CCDC117: variants seen among roughly 807,000 people sequenced by gnomAD.
The protein encoded by CCDC117 is coiled-coil domain-containing protein 117.
In CCDC117, 1 loss-of-function variant was observed where a neutral mutation model predicts 23.5. The observed-to-expected ratio is 0.04, with a 90% CI of 0.02 to 0.20. The LOEUF (loss-of-function observed/expected upper bound fraction) is 0.20. Among genes scored for constraint, CCDC117 ranks in the 10% least tolerant of loss-of-function variants. CCDC117 has a pLI of 1.00. For missense variants in CCDC117, 383 were observed against 348.2 expected (o/e 1.10, Z -0.80); for synonymous variants, 132 against 124.8 (o/e 1.06, Z -0.39).
chr22:28,772,772 G>T lies in CCDC117; in HGVS notation c.-78G>T, dbSNP rs1377410064. 2 of 1,146,692 alleles carry T rather than the reference G, an allele frequency of 1.7e-6. No individual in the cohort carries two copies. The highest frequency in any genetic ancestry group is 2.2e-6 in the Non-Finnish European group (2 of 916,208). 71.0% of individuals were successfully genotyped at this position (1,146,692 alleles called of 1,614,324 possible). A position where few individuals can be genotyped will look rare whatever the true frequency, so the allele number is the denominator to read the frequency against. On this transcript the variant is annotated 5_prime_UTR_variant, in exon 1 of 5. Coordinates refer to ENST00000249064, the MANE Select transcript of CCDC117 (RefSeq NM_173510.4). The stretch of plus-strand genomic sequence containing the variant: ...GATCCGAGGCTGGCGGGTTTTGGCA[G>T]TAGCTGTGGCTGCGGCTGCCGGGCC...
At chr22:28,776,831 G>C (rs528669307) in intron 2 of CCDC117, among the ~76,000 whole-genome samples, 1 of 152,090 alleles carries the variant, frequency 6.6e-6, no homozygotes, top group Admixed American at 6.6e-5. Context: ...TGATCCTCTC[G>C]CCTTGGCCTC....
In CCDC117 at chr22:28,778,876, A is replaced by G. The variant is rs142432079; in HGVS notation, c.240-2072A>G. On this transcript the variant is annotated intron_variant, in intron 2 of 4. Transcript: ENST00000249064. ...TTTAGAAAGTGGACCTACAGGCATG[A>G]AATAACTTAGTCTAAATCATGTTGT... 1.2e-4 allele frequency among the ~76,000 whole-genome samples: 19 copies of G among 152,306 alleles called. No individual in the cohort carries two copies. The East Asian group carries it at 1.9e-3, about 15-fold the overall frequency.
rs1295818609 is a variant in CCDC117, at chr22:28,781,003, G to C, written c.295G>C (p.Asp99His). ...TEAELCAGPN[D>H]WILCAHQDVE... ...AGCAGAGCTCTGTGCTGGTCCTAATGACTGGATTCTTTGTGCACATCAGGA... is the reference window on the plus strand; with the variant it reads ...AGCAGAGCTCTGTGCTGGTCCTAATCACTGGATTCTTTGTGCACATCAGGA... Residue 99 changes from aspartate to histidine, a missense_variant, in exon 3 of 5, where the codon GAC becomes CAC. Coordinates refer to ENST00000249064, the MANE Select transcript of CCDC117 (RefSeq NM_173510.4). The C allele has an allele frequency of 1.2e-6, 2 of 1,613,938 alleles. No homozygotes were observed. The highest frequency in any genetic ancestry group is 1.7e-6 in the Non-Finnish European group (2 of 1,180,008).
In CCDC117 at chr22:28,786,708, A is replaced by G. The variant is rs73881144; in HGVS notation, c.*382A>G. On this transcript the variant is annotated 3_prime_UTR_variant, in exon 5 of 5. Coordinates refer to ENST00000249064, the MANE Select transcript of CCDC117 (RefSeq NM_173510.4). ...GATGATTAAGAAGGATGCTCCTACA[A>G]CTGTATCCTGACAGTTAAGTCACAG... 4.9e-3 allele frequency: 906 copies of G among 184,860 alleles called. 10 individuals are homozygous for G. The highest frequency in any genetic ancestry group is 0.02 in the African/African-American group (841 of 42,248). 11.5% of individuals were successfully genotyped at this position (184,860 alleles called of 1,614,324 possible).
chr22:28,782,225 A>ACTGTG (rs1457499628), intron 3 of CCDC117, among the ~76,000 whole-genome samples: 1 of 140,030 alleles, frequency 7.1e-6, no homozygotes, highest in Non-Finnish European at 1.5e-5. Context: ...GGCATGAGCT[A>ACTGTG]CTGTGCCGGG....
intron 4 of CCDC117, 143 bp from the exon 5 acceptor site, chr22:28,785,940 AAGAAAG>A: frequency 1.6e-6 from 1 of 606,726 alleles, no homozygotes; most frequent in East Asian, 2.8e-5. Context: ...AAAAAAAAAA[AAGAAAG>A]TAAAGATCAG....
rs1319653774 is a variant in CCDC117, at chr22:28,786,267, ATG to A, written c.783_784del (p.Met261IlefsTer4). 6.2e-7 allele frequency: 1 copy of A among 1,614,194 alleles called. No homozygotes were observed. Among genetic ancestry groups the A allele is most frequent in the Admixed American group, 1.7e-5 (1 of 60,022 alleles). On this transcript the variant is annotated frameshift_variant, in exon 5 of 5. Transcript: ENST00000249064. LOFTEE classifies it high-confidence loss of function. Reference protein sequence around the residue: ...ELFSEPRPTGMSLYNSLETAT... With the variant: ...ELFSEPRPTGXSLYNSLETAT... ...GTTTTCGGAACCTCGGCCAACAGGG[ATG>A]TCTCTTTATAATAGTTTGGAGACAG...
intron 4 of CCDC117, among the ~76,000 whole-genome samples, chr22:28,784,646 A>G (rs547758229): frequency 5.4e-4 from 82 of 152,322 alleles, no homozygotes; most frequent in African/African-American, 1.6e-3. Context: ...ATAATTAAGT[A>G]CCCATCCCTA....
At position 28,783,288 on chromosome 22, in the gene CCDC117, G is replaced by A. The variant is rs752560382; in HGVS notation, c.465-220G>A. Among the ~76,000 whole-genome samples the A allele has an allele frequency of 4.6e-5, 7 of 151,092 alleles. No individual in the cohort carries two copies. The South Asian group carries it at 8.4e-4, about 18-fold the overall frequency. ...ACTCCTAACCTCAGGTGATCTGCCC[G>A]CCTCGGCCTCCCAAAGTGCTGGGAT... On this transcript the variant is annotated intron_variant, in intron 3 of 4. Coordinates refer to ENST00000249064, the MANE Select transcript of CCDC117 (RefSeq NM_173510.4).
Position 28,783,473 on chromosome 22 carries a change from A to G in CCDC117, c.465-35A>G, listed in dbSNP as rs781122623. 7 of 1,587,506 alleles carry G rather than the reference A, an allele frequency of 4.4e-6. No individual in the cohort carries two copies. The African/African-American group carries it at 8.2e-5, about 19-fold the overall frequency. ...AGAATATATAATAGCTTGACTAAAT[A>G]TTTTTTCTTTCTTCTGCTGCCTTAA... is the stretch of plus-strand genomic sequence containing the variant. On this transcript the variant is annotated intron_variant, in intron 3 of 4. Transcript: ENST00000249064.
At chr22:28,785,598 A>G (rs141162832) in intron 4 of CCDC117, among the ~76,000 whole-genome samples, 2 of 152,350 alleles carry the variant, frequency 1.3e-5, no homozygotes, top group African/African-American at 4.8e-5. Flanking sequence ...CTAGCTGCCT[A>G]CATGTAATAT....
Position 28,786,589 on chromosome 22 carries a change from T to C in CCDC117, c.*263T>C. ...GGTTTACATTGTCTTCAAAGACAAGTATAGAAGCTGTATGTGTAAGGGTGA... is the reference window on the plus strand; with the variant it reads ...GGTTTACATTGTCTTCAAAGACAAGCATAGAAGCTGTATGTGTAAGGGTGA... On this transcript the variant is annotated 3_prime_UTR_variant, in exon 5 of 5. Transcript: ENST00000249064. 2.5e-6 allele frequency: 1 copy of C among 405,494 alleles called. No individual in the cohort carries two copies. Among genetic ancestry groups the C allele is most frequent in the Non-Finnish European group, 4.5e-6 (1 of 223,364 alleles). The allele number at this position is 405,494 out of a possible 1,614,324, so 25.1% of individuals were successfully genotyped here.
intron 2 of CCDC117, among the ~76,000 whole-genome samples, chr22:28,778,946 T>C (rs1029301907): frequency 5.3e-5 from 8 of 152,140 alleles, no homozygotes; most frequent in African/African-American, 1.4e-4. Flanking sequence ...TTATTTGCAT[T>C]TTATAGTGGA....
chr22:28,788,893 C>T lies in CCDC117; in HGVS notation c.*2567C>T, dbSNP rs1312060984. On this transcript the variant is annotated 3_prime_UTR_variant, in exon 5 of 5. Transcript: ENST00000249064. ...CTAATGTGTGAAGAGAAAAAATTCTCTAAAGCAGGTGAGCTTTAATGAACA... is the reference window on the plus strand; with the variant it reads ...CTAATGTGTGAAGAGAAAAAATTCTTTAAAGCAGGTGAGCTTTAATGAACA... 9 of 151,928 alleles carry T rather than the reference C, an allele frequency of 5.9e-5. No homozygotes were observed. Among genetic ancestry groups the T allele is most frequent in the South Asian group, 2.1e-4 (1 of 4,820 alleles). The allele number at this position is 151,928 out of a possible 1,614,324, so 9.4% of individuals were successfully genotyped here.
chr22:28,773,883 C>G, intron 2 of CCDC117, 105 bp downstream of exon 2: 1 of 867,440 alleles, frequency 1.2e-6, no homozygotes, highest in Non-Finnish European at 1.9e-6. Flanking sequence ...ATGAGTGTCT[C>G]TGGAAAGAGA....
chr22:28,773,870 T>A, intron 2 of CCDC117, 92 bp downstream of exon 2: 2 of 951,084 alleles, frequency 2.1e-6, no homozygotes, highest in South Asian at 1.3e-5. Context: ...GGTGAAACAT[T>A]AGATGAGTGT....
Position 28,772,782 on chromosome 22 carries a change from C to A in CCDC117, c.-68C>A, listed in dbSNP as rs2031021048. On this transcript the variant is annotated 5_prime_UTR_variant, in exon 1 of 5. The change creates a new upstream start codon in the 5' untranslated region. Transcript: ENST00000249064. ...TGGCGGGTTTTGGCAGTAGCTGTGGCTGCGGCTGCCGGGCCTGGGGACGCG... is the reference window on the plus strand; with the variant it reads ...TGGCGGGTTTTGGCAGTAGCTGTGGATGCGGCTGCCGGGCCTGGGGACGCG... The A allele has an allele frequency of 8.4e-7, 1 of 1,186,858 alleles. No homozygotes were observed. Among genetic ancestry groups the A allele is most frequent in the Non-Finnish European group, 1.1e-6 (1 of 952,114 alleles). 73.5% of individuals were successfully genotyped at this position (1,186,858 alleles called of 1,614,324 possible).
rs1353975793 is a variant in CCDC117 at position 28,773,138 on chromosome 22, C to G, written c.185+104C>G. The G allele has an allele frequency of 2.0e-5, 8 of 405,128 alleles. No homozygotes were observed. The Admixed American group carries it at 5.1e-4, about 26-fold the overall frequency. 25.1% of individuals were successfully genotyped at this position (405,128 alleles called of 1,614,324 possible). A position where few individuals can be genotyped will look rare whatever the true frequency, so the allele number is the denominator to read the frequency against. On this transcript the variant is annotated intron_variant, in intron 1 of 4. Coordinates refer to ENST00000249064, the MANE Select transcript of CCDC117 (RefSeq NM_173510.4). Reference sequence around the variant, plus strand: ...CAGGGGCGCGGGCTCCGCGCCGGGGCTTTTTGACTCCCTCCCCACGGCCCT... The same window carrying G: ...CAGGGGCGCGGGCTCCGCGCCGGGGGTTTTTGACTCCCTCCCCACGGCCCT...
At chr22:28,777,883 C>T (rs1338423511) in intron 2 of CCDC117, among the ~76,000 whole-genome samples, 2 of 150,104 alleles carry the variant, frequency 1.3e-5, no homozygotes, top group Non-Finnish European at 3.0e-5. Flanking sequence ...TGTATCCTCG[C>T]TCTGTTGCCC....
Sources: allele counts gnomAD v4.1 joint callset (sites outside exome capture counted in the v4.1 genomes callset), GRCh38; gene constraint gnomAD v4.1.1; transcripts MANE v1.5; gene names NCBI Gene and HGNC (gene_info 2026-07-23, HGNC 2026-07-21).